Variants in BARD1 observed in about 807,000 individuals in gnomAD.
The protein encoded by BARD1 is BRCA1 associated RING domain 1.
Under a neutral mutation model 77.0 loss-of-function variants are expected in BARD1, and 73 were observed. The observed-to-expected ratio is 0.95, with a 90% CI of 0.79 to 1.15. The LOEUF (loss-of-function observed/expected upper bound fraction) is 1.15, where lower values mean the gene tolerates loss of function less well. BARD1 is among the 50% of genes most tolerant of loss of function. The probability of loss-of-function intolerance (pLI) is 0.00; values close to 1 mark genes in which losing one functional copy is unlikely to be tolerated. For synonymous variants in BARD1, 384 were observed against 338.0 expected (o/e 1.14, Z -1.49); for missense variants, 993 against 938.8 (o/e 1.06, Z -0.75).
rs56130510 is a variant in BARD1 at position 214,792,458 on chromosome 2, T to TAA, written c.216-15_216-14dup. On this transcript the variant is annotated splice_polypyrimidine_tract_variant and intron_variant, in intron 2 of 10. Coordinates refer to ENST00000260947, the MANE Select transcript of BARD1 (RefSeq NM_000465.4). ...ACTTACACAATTACTTTAAAATAAT[T>TAA]AAAAAAAAAAAAAAAAGCAACCCAT... The TAA allele has an allele frequency of 1.3e-4, 183 of 1,399,656 alleles. 1 individual carries two copies. Among genetic ancestry groups the TAA allele is most frequent in the South Asian group, 2.8e-4 (20 of 72,296 alleles). The allele number at this position is 1,399,656 out of a possible 1,614,324, so 86.7% of individuals were successfully genotyped here. A position where few individuals can be genotyped will look rare whatever the true frequency, so the allele number is the denominator to read the frequency against.
At position 214,797,136 on chromosome 2, in the gene BARD1, A is replaced by C; in HGVS notation, c.159-19T>G. On this transcript the variant is annotated intron_variant, in intron 1 of 10. Coordinates refer to ENST00000260947, the MANE Select transcript of BARD1 (RefSeq NM_000465.4). The stretch of plus-strand genomic sequence containing the variant: ...GTTAGTACTGTTTGAAGAAATTAAA[A>C]CAATCAAGATTTGAGTCATTGTTAG... The C allele has an allele frequency of 6.2e-7, 1 of 1,605,274 alleles. No homozygotes were observed. Among genetic ancestry groups the C allele is most frequent in the Non-Finnish European group, 8.5e-7 (1 of 1,172,204 alleles).
chr2:214,809,368 C>T (rs1696447920), intron 1 of BARD1, 44 bp downstream of exon 1: 1 of 1,608,520 alleles, frequency 6.2e-7, no homozygotes, highest in Non-Finnish European at 8.5e-7. Context: ...AGAAACTGTG[C>T]GACCCGTGCC....
At chr2:214,797,220 T>C in intron 1 of BARD1, 103 bp from the exon 2 acceptor site, 2 of 940,554 alleles carry the variant, frequency 2.1e-6, no homozygotes, top group Non-Finnish European at 3.5e-6. Context: ...TTTCTCACTT[T>C]CTCAAAGCAG....
At chr2:214,748,896 G>A (rs1170396252) in intron 7 of BARD1, among the ~76,000 whole-genome samples, 1 of 151,994 alleles carries the variant, frequency 6.6e-6, no homozygotes, top group East Asian at 1.9e-4. Context: ...CTCAGTATGT[G>A]CCAAACACTG....
In BARD1 at chr2:214,781,468, C is replaced by T; in HGVS notation, c.406G>A (p.Ala136Thr). The T allele has an allele frequency of 6.2e-7, 1 of 1,612,046 alleles. No homozygotes were observed. Among genetic ancestry groups the T allele is most frequent in the Non-Finnish European group, 8.5e-7 (1 of 1,179,550 alleles). Reference sequence around the variant, plus strand: ...TTAATTGAATTCTTCTTGTTTCCTGCATCATTAAACAAACTTTTCCTAGGT... The same window carrying T: ...TTAATTGAATTCTTCTTGTTTCCTGTATCATTAAACAAACTTTTCCTAGGT... Reference protein sequence around the residue: ...DKPRKSLFNDAGNKKNSIKMW... With the variant: ...DKPRKSLFNDTGNKKNSIKMW... The change falls in exon 4 of 11, where the codon GCA becomes ACA. Residue 136 changes from alanine (A) to threonine (T), a missense_variant. Ala to Thr is a moderately conservative substitution (Grantham distance 58). Transcript: ENST00000260947.
At chr2:214,756,720 A>C (rs1693711616) in intron 6 of BARD1, among the ~76,000 whole-genome samples, 1 of 152,310 alleles carries the variant, frequency 6.6e-6, no homozygotes, top group African/African-American at 2.4e-5. Context: ...AGGTGACGTA[A>C]CTCAGGAGGG....
chr2:214,740,458 C>G (rs1692770510), intron 9 of BARD1, among the ~76,000 whole-genome samples: 1 of 152,010 alleles, frequency 6.6e-6, no homozygotes, highest in African/African-American at 2.4e-5. Flanking sequence ...ATTTTTAAAA[C>G]TGTTATAAAC....
Position 214,752,191 on chromosome 2 carries a change from T to C in BARD1, c.1677+256A>G, listed in dbSNP as rs1165944529. Among the ~76,000 whole-genome samples the C allele has an allele frequency of 7.9e-5, 12 of 152,348 alleles. No homozygotes were observed. The East Asian group carries it at 2.3e-3, about 29-fold the overall frequency. The stretch of plus-strand genomic sequence containing the variant: ...TCTCACCAGATGGTAAGCTCCTCCC[T>C]GAGAATAAGAGTTCTACCAGTCATA... On this transcript the variant is annotated intron_variant, in intron 7 of 10. Coordinates refer to ENST00000260947, the MANE Select transcript of BARD1 (RefSeq NM_000465.4).
intron 3 of BARD1, among the ~76,000 whole-genome samples, chr2:214,782,529 C>G (rs1385327093): frequency 6.6e-6 from 1 of 151,298 alleles, no homozygotes. Context: ...GATTTATAAT[C>G]AAGAATTAAA....
intron 6 of BARD1, among the ~76,000 whole-genome samples, chr2:214,759,908 T>C (rs1002346883): frequency 6.6e-6 from 1 of 152,208 alleles, no homozygotes; most frequent in Non-Finnish European, 1.5e-5. Context: ...CTATTTTGCC[T>C]TGCCTTATAA....
At position 214,781,110 on chromosome 2, in the gene BARD1, T is replaced by C. The variant is rs138904906; in HGVS notation, c.764A>G (p.Asn255Ser). 2.3e-5 allele frequency: 36 copies of C among 1,582,026 alleles called. No homozygotes were observed. In the African/African-American group the frequency reaches 4.2e-4, roughly 19 times the overall value. The part of the protein sequence containing the change: ...QPSVISSPQI[N>S]GEIDLLASGS... ...ACTTGCTAGTAAGTCTATTTCACCATTTATCTGAGGACTGGAGATAACAGA... is the reference window on the plus strand; with the variant it reads ...ACTTGCTAGTAAGTCTATTTCACCACTTATCTGAGGACTGGAGATAACAGA... The change falls in exon 4 of 11, where the codon AAT becomes AGT. Residue 255 changes from asparagine to serine, a missense_variant. Coordinates refer to ENST00000260947, the MANE Select transcript of BARD1 (RefSeq NM_000465.4).
At chr2:214,730,591 A>C in intron 9 of BARD1, 83 bp from the exon 10 acceptor site, 1 of 1,184,170 alleles carries the variant, frequency 8.4e-7, no homozygotes, top group Admixed American at 1.8e-5. Flanking sequence ...AATTTACCTA[A>C]GTGGTTTTTC....
intron 9 of BARD1, among the ~76,000 whole-genome samples, chr2:214,740,448 A>G (rs1692769933): frequency 6.6e-6 from 1 of 152,076 alleles, no homozygotes; most frequent in Admixed American, 6.6e-5. Context: ...GGCACACACT[A>G]TTTTTAAAAC....
intron 1 of BARD1, among the ~76,000 whole-genome samples, chr2:214,798,041 T>C (rs934710797): frequency 6.6e-6 from 1 of 152,128 alleles, no homozygotes; most frequent in Non-Finnish European, 1.5e-5. Flanking sequence ...TGGTTTATTA[T>C]ACTAACTCTA....
rs1692054651 is a variant in BARD1, at chr2:214,725,681, T to C, written c.*2995A>G. The stretch of plus-strand genomic sequence containing the variant: ...ATATTTATTTATTCATTCAGTTTGA[T>C]GTGCGTATCTTTGAAAAGGGTTGAC... On this transcript the variant is annotated 3_prime_UTR_variant, in exon 11 of 11. Coordinates refer to ENST00000260947, the MANE Select transcript of BARD1 (RefSeq NM_000465.4). 3 of 218,162 alleles carry C rather than the reference T, an allele frequency of 1.4e-5. No homozygotes were observed. Among genetic ancestry groups the C allele is most frequent in the African/African-American group, 6.7e-5 (3 of 44,510 alleles). 13.5% of individuals were successfully genotyped at this position (218,162 alleles called of 1,614,324 possible).
chr2:214,782,490 A>T lies in BARD1; in HGVS notation c.365-981T>A, dbSNP rs538617913. ...TATTTTTTCTACATATATATATATA[A>T]AATACTTTTTAAAAATTTGAAAAAT... On this transcript the variant is annotated intron_variant, in intron 3 of 10. Coordinates refer to ENST00000260947, the MANE Select transcript of BARD1 (RefSeq NM_000465.4). 6.5e-4 allele frequency among the ~76,000 whole-genome samples: 98 copies of T among 151,640 alleles called. 1 individual carries two copies. Among genetic ancestry groups the T allele is most frequent in the Admixed American group, 7.9e-4 (12 of 15,240 alleles).
chr2:214,774,742 AC>A (rs1694664546), intron 4 of BARD1, among the ~76,000 whole-genome samples: 1 of 152,206 alleles, frequency 6.6e-6, no homozygotes, highest in Non-Finnish European at 1.5e-5. Flanking sequence ...TATTCTTCCA[AC>A]AAAAGGCTGT....
At chr2:214,744,584 C>T (rs1251014124) in intron 9 of BARD1, among the ~76,000 whole-genome samples, 1 of 152,164 alleles carries the variant, frequency 6.6e-6, no homozygotes, top group African/African-American at 2.4e-5. Context: ...TATGTATATA[C>T]ATTTACTAAG....
At chr2:214,731,325 G>A (rs1692347107) in intron 9 of BARD1, among the ~76,000 whole-genome samples, 1 of 152,176 alleles carries the variant, frequency 6.6e-6, no homozygotes, top group Non-Finnish European at 1.5e-5. Context: ...CTAGGCTCTA[G>A]AAATGAAAGG....
Sources: gnomAD v4.1 joint callset for allele counts (sites outside exome capture counted in the v4.1 genomes callset) on GRCh38, gnomAD v4.1.1 for gene constraint, MANE v1.5 for transcripts, NCBI Gene and HGNC (gene_info 2026-07-23, HGNC 2026-07-21) for gene names.